The following HECW1 variants were observed in gnomAD, a reference collection of about 807,000 sequenced individuals.
The protein encoded by HECW1 is E3 ubiquitin-protein ligase HECW1.
Under a neutral mutation model 182.3 loss-of-function variants are expected in HECW1, and 61 were observed. The observed-to-expected ratio is 0.33, with a 90% CI of 0.27 to 0.41. HECW1 has a LOEUF of 0.41. Ranked by LOEUF, HECW1 falls within the 10% of genes least tolerant of loss-of-function variation. HECW1 has a pLI of 1.00. For synonymous variants in HECW1, 859 were observed against 832.6 expected (o/e 1.03, Z -0.55); for missense variants, 1,739 against 2,108.9 (o/e 0.82, Z 3.44).
chr7:43,332,127 G>T (rs1390528668), intron 5 of HECW1, among the ~76,000 whole-genome samples: 1 of 152,140 alleles, frequency 6.6e-6, no homozygotes, highest in Non-Finnish European at 1.5e-5. Flanking sequence ...GAAATAATAA[G>T]AAGAAATTGG....
chr7:43,180,338 A>G (rs535778852), intron 2 of HECW1, among the ~76,000 whole-genome samples: 27 of 137,726 alleles, frequency 2.0e-4, no homozygotes, highest in Non-Finnish European at 3.9e-4. Flanking sequence ...TGAGTAATCA[A>G]ATTGACTTAT....
chr7:43,311,869 C>A lies in HECW1; in HGVS notation c.134C>A (p.Pro45His). The A allele has an allele frequency of 6.2e-7, 1 of 1,614,244 alleles. No individual in the cohort carries two copies. Among genetic ancestry groups the A allele is most frequent in the Non-Finnish European group, 8.5e-7 (1 of 1,180,046 alleles). The stretch of plus-strand genomic sequence containing the variant: ...GAGCCGCTCCGATACAGCTACAACC[C>A]CGACCAGTTCCACAACATGGACCTC... ...CKEPLRYSYN[P>H]DQFHNMDLRG... Residue 45 changes from proline to histidine, a missense_variant, in exon 4 of 30, where the codon CCC becomes CAC. Around this residue, in one of 5 missense-constraint regions of HECW1, gnomAD observed 279 missense variants for 353.1 expected, o/e 0.79. Coordinates refer to ENST00000395891, the MANE Select transcript of HECW1 (RefSeq NM_015052.5).
chr7:43,462,673 G>A lies in HECW1; in HGVS notation c.2652-987G>A, dbSNP rs1034455600. Among the ~76,000 whole-genome samples, 5 of 152,136 alleles carry A rather than the reference G, an allele frequency of 3.3e-5. 1 individual carries two copies. The highest frequency in any genetic ancestry group is 1.3e-4 in the Admixed American group (2 of 15,292). ...AATAACACCCATCCTACTGCAGGGCGCCCTCTGGGGCTCCCTCTTCCCTCT... is the reference window on the plus strand; with the variant it reads ...AATAACACCCATCCTACTGCAGGGCACCCTCTGGGGCTCCCTCTTCCCTCT... On this transcript the variant is annotated intron_variant, in intron 13 of 29. Transcript: ENST00000395891.
intron 3 of HECW1, among the ~76,000 whole-genome samples, chr7:43,247,763 G>GGGGA (rs1799534480): frequency 1.2e-4 from 1 of 8,444 alleles, no homozygotes; most frequent in African/African-American, 2.1e-4. Flanking sequence ...GGAAGGGAAA[G>GGGGA]AGAGGAAAAA....
chr7:43,427,368 T>C (rs1017419225), intron 8 of HECW1, among the ~76,000 whole-genome samples: 3 of 152,162 alleles, frequency 2.0e-5, no homozygotes, highest in African/African-American at 4.8e-5. Context: ...AACAGTAAAA[T>C]TTCTTCACCC....
At chr7:43,161,700 A>C (rs1329602886) in intron 2 of HECW1, 2 of 133,068 alleles carry the variant, frequency 1.5e-5, no homozygotes, top group Admixed American at 1.5e-4. Flanking sequence ...ATTATTTTGG[A>C]GGGTGAACTT....
At chr7:43,153,485 T>G (rs1789563636) in intron 2 of HECW1, among the ~76,000 whole-genome samples, 2 of 152,196 alleles carry the variant, frequency 1.3e-5, no homozygotes, top group Admixed American at 1.3e-4. Flanking sequence ...GTCTTTCTCA[T>G]GTCTAGTTTT....
At chr7:43,164,519 A>G (rs1790890438) in intron 2 of HECW1, among the ~76,000 whole-genome samples, 1 of 152,190 alleles carries the variant, frequency 6.6e-6, no homozygotes, top group African/African-American at 2.4e-5. Flanking sequence ...CTGTGTGCCC[A>G]GACTCCCCTC....
chr7:43,279,048 A>T (rs540195121), intron 3 of HECW1, among the ~76,000 whole-genome samples: 3 of 152,166 alleles, frequency 2.0e-5, no homozygotes, highest in Non-Finnish European at 2.9e-5. Flanking sequence ...AGCAGTTTTC[A>T]GTGATTGAGA....
chr7:43,239,160 A>T (rs1265257833), intron 2 of HECW1: 2 of 152,200 alleles, frequency 1.3e-5, no homozygotes, highest in Non-Finnish European at 2.9e-5. Flanking sequence ...ATGGCTGATG[A>T]ATATTTGCTG....
At chr7:43,319,973 A>C (rs1284426422) in intron 4 of HECW1, among the ~76,000 whole-genome samples, 1 of 152,036 alleles carries the variant, frequency 6.6e-6, no homozygotes, top group South Asian at 2.1e-4. Context: ...TAGTGTTTAC[A>C]GTCTGTCTTC....
chr7:43,448,827 TTTTA>T (rs1206562289), intron 11 of HECW1, among the ~76,000 whole-genome samples: 3 of 152,238 alleles, frequency 2.0e-5, no homozygotes, highest in African/African-American at 4.8e-5. Flanking sequence ...CGTTGCTTGC[TTTTA>T]GCTGAGGAAT....
rs774786159 is a variant in HECW1, at chr7:43,550,477, C to G, written c.4281C>G (p.Ala1427=). ...AAAGGGAGTTGAAGTCTGGAGGAGC[C>G]AACACACAGGTGACGGAGAAAAACA... ...VTERELKSGG[A]NTQVTEKNKK... is the part of the protein sequence containing the mutation. Residue 1427 remains alanine, a synonymous_variant, in exon 27 of 30, where the codon GCC becomes GCG. Transcript: ENST00000395891. The G allele has an allele frequency of 1.9e-6, 3 of 1,614,122 alleles. No homozygotes were observed. The highest frequency in any genetic ancestry group is 2.5e-6 in the Non-Finnish European group (3 of 1,180,024).
At chr7:43,250,868 C>T (rs2152726206) in intron 3 of HECW1, among the ~76,000 whole-genome samples, 1 of 152,370 alleles carries the variant, frequency 6.6e-6, no homozygotes, top group Non-Finnish European at 1.5e-5. Context: ...TGGGCCCACC[C>T]TCTGCTTAGC....
intron 3 of HECW1, among the ~76,000 whole-genome samples, chr7:43,305,861 A>G (rs1376861739): frequency 2.0e-5 from 3 of 152,056 alleles, no homozygotes; most frequent in African/African-American, 7.3e-5. Flanking sequence ...CCTGGGTTCA[A>G]GTGATTCTCC....
At chr7:43,240,767 A>C (rs1254696640) in intron 2 of HECW1, among the ~76,000 whole-genome samples, 3 of 152,180 alleles carry the variant, frequency 2.0e-5, no homozygotes, top group Non-Finnish European at 4.4e-5. Context: ...AGGGCTTTAG[A>C]GAGGTGCCAG....
At chr7:43,285,062 T>TAAA (rs1458582395) in intron 3 of HECW1, among the ~76,000 whole-genome samples, 12 of 152,208 alleles carry the variant, frequency 7.9e-5, no homozygotes, top group Admixed American at 5.9e-4. Flanking sequence ...TATTAACTTA[T>TAAA]TATAACTTTT....
chr7:43,285,249 C>T (rs1490319242), intron 3 of HECW1, among the ~76,000 whole-genome samples: 1 of 152,172 alleles, frequency 6.6e-6, no homozygotes, highest in Non-Finnish European at 1.5e-5. Flanking sequence ...ATCAGGGTCT[C>T]ACCTGTGGAG....
intron 2 of HECW1, among the ~76,000 whole-genome samples, chr7:43,217,448 T>C (rs1013527006): frequency 6.6e-6 from 1 of 152,230 alleles, no homozygotes; most frequent in African/African-American, 2.4e-5. Context: ...TGTTGGATTA[T>C]AGTTGAATGT....
Sources: gnomAD v4.1 joint callset for allele counts (sites outside exome capture counted in the v4.1 genomes callset) on GRCh38, gnomAD v4.1.1 for gene constraint, gnomAD v4.1.1 regional missense constraint, MANE v1.5 for transcripts, NCBI Gene and HGNC (gene_info 2026-07-23, HGNC 2026-07-21) for gene names.